The following ZFYVE16 variants were observed in gnomAD, a reference collection of about 807,000 sequenced individuals.
ZFYVE16 encodes the protein zinc finger FYVE domain-containing protein 16.
A neutral mutation model predicts 138.1 loss-of-function variants in ZFYVE16; 89 were observed. The observed-to-expected ratio is 0.64, with a 90% confidence interval of 0.54 to 0.77. The LOEUF (loss-of-function observed/expected upper bound fraction) is 0.77. Ranked by LOEUF, ZFYVE16 falls within the 30% of genes least tolerant of loss-of-function variation. ZFYVE16 has a pLI of 0.00. For missense variants in ZFYVE16, 1,793 were observed against 1,786.7 expected (o/e 1.00, Z -0.06); for synonymous variants, 596 against 618.3 (o/e 0.96, Z 0.53).
At chr5:80,473,128 A>G (rs1561338646) in intron 16 of ZFYVE16, among the ~76,000 whole-genome samples, 1 of 152,154 alleles carries the variant, frequency 6.6e-6, no homozygotes, top group Non-Finnish European at 1.5e-5. Context: ...TTGGGCCAGG[A>G]TGGTCCATTT....
intron 6 of ZFYVE16, 60 bp from the exon 7 acceptor site, chr5:80,445,203 G>C: frequency 6.4e-7 from 1 of 1,563,150 alleles, no homozygotes; most frequent in Admixed American, 1.8e-5. Context: ...CAATCTTTTT[G>C]GCATTAAATC....
At chr5:80,465,400 G>GTTTTTTTTTCTTTTTTTTTTTTTTTT in intron 15 of ZFYVE16, among the ~76,000 whole-genome samples, 1 of 26,778 alleles carries the variant, frequency 3.7e-5, no homozygotes, top group Non-Finnish European at 7.4e-5. Context: ...CCTTTTCTTT[G>GTTTTTTTTTCTTTTTTTTTTTTTTTT]TTTTTTTTTT....
At chr5:80,475,923 C>CAATTTGTGA (rs1754863404) in intron 18 of ZFYVE16, among the ~76,000 whole-genome samples, 2 of 152,122 alleles carry the variant, frequency 1.3e-5, no homozygotes. Context: ...TTTATTTCTT[C>CAATTTGTGA]CAGCAATTTG....
At chr5:80,447,266 C>CAAAA (rs56836828) in intron 7 of ZFYVE16, among the ~76,000 whole-genome samples, 3 of 69,288 alleles carry the variant, frequency 4.3e-5, no homozygotes, top group Non-Finnish European at 5.9e-5. Context: ...GACTCCATCT[C>CAAAA]AAAAAAAAAA....
chr5:80,450,353 T>A (rs938061053), intron 9 of ZFYVE16, 78 bp from the exon 10 acceptor site: 14 of 1,439,460 alleles, frequency 9.7e-6, no homozygotes, highest in Middle Eastern at 2.4e-4. Context: ...AAAGTTATGT[T>A]AAATGCAAAA....
In ZFYVE16 at chr5:80,482,397, GAGA is replaced by G. The variant is rs1755304045; in HGVS notation, c.*5024_*5026del. The G allele has an allele frequency of 2.0e-5, 3 of 152,126 alleles. No homozygotes were observed. Among genetic ancestry groups the G allele is most frequent in the Admixed American group, 2.0e-4 (3 of 15,270 alleles). 9.4% of individuals were successfully genotyped at this position (152,126 alleles called of 1,614,324 possible). ...TGACAGAGAAAAAAGTGAAAAAAATGAGAAGACCTTTGGGGATCTGTGGGACAA... is the reference window on the plus strand; with the variant it reads ...TGACAGAGAAAAAAGTGAAAAAAATGAGACCTTTGGGGATCTGTGGGACAA... On this transcript the variant is annotated 3_prime_UTR_variant, in exon 19 of 19. Coordinates refer to ENST00000505560, the MANE Select transcript of ZFYVE16 (RefSeq NM_001284236.3).
rs1429392962 is a variant in ZFYVE16, at chr5:80,477,247, A to G, written c.4490A>G (p.Gln1497Arg). 6.3e-7 allele frequency: 1 copy of G among 1,598,818 alleles called. No individual in the cohort carries two copies. The highest frequency in any genetic ancestry group is 1.7e-5 in the Admixed American group (1 of 57,156). The part of the protein sequence containing the change: ...MVEFQAGSEG[Q>R]LLPQHYLNDL... ...GAATTTCAGGCAGGATCTGAAGGCC[A>G]ACTTCTGCCTCAGCATTATCTAAAT... The change falls in exon 19 of 19, where the codon CAA (glutamine) becomes CGA (arginine). Residue 1497 changes from glutamine to arginine, a missense_variant. Gln to Arg is a conservative substitution (Grantham distance 43). Coordinates refer to ENST00000505560, the MANE Select transcript of ZFYVE16 (RefSeq NM_001284236.3).
intron 1 of ZFYVE16, among the ~76,000 whole-genome samples, chr5:80,426,175 A>T (rs1747954444): frequency 7.4e-6 from 1 of 134,602 alleles, no homozygotes; most frequent in Non-Finnish European, 1.6e-5. Flanking sequence ...CCGGATTGAG[A>T]TATATATATA....
chr5:80,451,058 C>T (rs1228946093), intron 10 of ZFYVE16, among the ~76,000 whole-genome samples: 2 of 152,226 alleles, frequency 1.3e-5, no homozygotes, highest in South Asian at 2.1e-4. Context: ...GTGATCCGCC[C>T]GCCTCAGTCT....
chr5:80,425,638 C>G (rs918035009), intron 1 of ZFYVE16, among the ~76,000 whole-genome samples: 9 of 152,180 alleles, frequency 5.9e-5, no homozygotes, highest in African/African-American at 2.2e-4. Flanking sequence ...TTTCACCTTC[C>G]AGGATTAGCT....
rs73121738 is a variant in ZFYVE16, at chr5:80,413,871, A to G, written c.-94+5718A>G. 6.6e-3 allele frequency among the ~76,000 whole-genome samples: 996 copies of G among 151,688 alleles called. 9 individuals carry two copies. The highest frequency in any genetic ancestry group is 0.023 in the African/African-American group (937 of 41,536). On this transcript the variant is annotated intron_variant, in intron 1 of 18. Coordinates refer to ENST00000505560, the MANE Select transcript of ZFYVE16 (RefSeq NM_001284236.3). ...CCCATCCTAATGCGATTTGAAGTAT[A>G]GTTTACTCATTTCCTATTACAGAAG...
rs1271825075 is a variant in ZFYVE16, at chr5:80,480,167, A to G, written c.*2790A>G. ...TACTTGAAGCAATGAAAACAAACTC[A>G]CAGATATAGGTATTAGATTTGTTTT... On this transcript the variant is annotated 3_prime_UTR_variant, in exon 19 of 19. Coordinates refer to ENST00000505560, the MANE Select transcript of ZFYVE16 (RefSeq NM_001284236.3). Among the ~76,000 whole-genome samples the G allele has an allele frequency of 1.3e-5, 2 of 151,828 alleles. No homozygotes were observed. The highest frequency in any genetic ancestry group is 2.9e-5 in the Non-Finnish European group (2 of 68,026).
intron 11 of ZFYVE16, 68 bp from the exon 12 acceptor site, chr5:80,455,624 A>T: frequency 8.6e-7 from 1 of 1,159,130 alleles, no homozygotes; most frequent in South Asian, 1.3e-5. Flanking sequence ...TGAGAGTTGA[A>T]GGTAATAAAT....
At position 80,474,772 on chromosome 5, in the gene ZFYVE16, C is replaced by T; in HGVS notation, c.4403C>T (p.Thr1468Ile). 6.2e-7 allele frequency: 1 copy of T among 1,613,670 alleles called. No homozygotes were observed. Among genetic ancestry groups the T allele is most frequent in the South Asian group, 1.1e-5 (1 of 91,016 alleles). Residue 1468 changes from threonine to isoleucine, a missense_variant, in exon 18 of 19, where the codon ACT (threonine) becomes ATT (isoleucine). By Grantham distance (89) the Thr-to-Ile change is moderately conservative. This residue lies in a region of ZFYVE16 where 498 missense variants were observed against 582.4 expected (regional missense o/e 0.86). Coordinates refer to ENST00000505560, the MANE Select transcript of ZFYVE16 (RefSeq NM_001284236.3). ...CSAALCPHLK[T>I]LKSNGMNKIG... ...GCTGCGCTGTGCCCTCACCTGAAAA[C>T]TCTAAAAAGTAATGGGATGAATAAA...
chr5:80,456,293 C>A (rs1752521882), intron 12 of ZFYVE16, 168 bp from the exon 13 acceptor site: 3 of 512,878 alleles, frequency 5.8e-6, no homozygotes, highest in Middle Eastern at 4.7e-4. Flanking sequence ...AAGACCTTTT[C>A]TATTTTGGAA....
rs1580219448 is a variant in ZFYVE16 at position 80,438,441 on chromosome 5, A to G, written c.1756A>G (p.Ile586Val). Reference sequence around the variant, plus strand: ...ATATTTCAATGCAGAAGCAGGAGCTATTGGGGAAAGTCATGGTATTAATAT... The same window carrying G: ...ATATTTCAATGCAGAAGCAGGAGCTGTTGGGGAAAGTCATGGTATTAATAT... ...NIYFNAEAGAIGESHGINIIC... is the reference protein window; with the variant it reads ...NIYFNAEAGAVGESHGINIIC... The change falls in exon 4 of 19, where the codon ATT (isoleucine) becomes GTT (valine). Residue 586 changes from isoleucine to valine, a missense_variant. Physicochemically the swap from Ile to Val is conservative, Grantham distance 29 (BLOSUM62 3). Coordinates refer to ENST00000505560, the MANE Select transcript of ZFYVE16 (RefSeq NM_001284236.3). The G allele has an allele frequency of 1.2e-6, 2 of 1,613,942 alleles. No homozygotes were observed.
intron 1 of ZFYVE16, among the ~76,000 whole-genome samples, chr5:80,417,100 C>A (rs1288813282): frequency 6.6e-6 from 1 of 152,180 alleles, no homozygotes; most frequent in Non-Finnish European, 1.5e-5. Flanking sequence ...TTGGCTTCCA[C>A]GATCAGTCGT....
intron 1 of ZFYVE16, among the ~76,000 whole-genome samples, chr5:80,411,428 A>AT (rs548861849): frequency 8.1e-4 from 123 of 151,958 alleles, no homozygotes; most frequent in African/African-American, 2.7e-3. Context: ...GCATTTGTTA[A>AT]TTTTTTTTAC....
chr5:80,454,575 C>T (rs1327996235), intron 11 of ZFYVE16: 11 of 151,342 alleles, frequency 7.3e-5, no homozygotes, highest in African/African-American at 2.4e-4. Context: ...GGCGCGATCT[C>T]GGCTCACTGC....
Sources: gnomAD v4.1 joint callset for allele counts (sites outside exome capture counted in the v4.1 genomes callset) on GRCh38, gnomAD v4.1.1 for gene constraint, gnomAD v4.1.1 regional missense constraint, MANE v1.5 for transcripts, NCBI Gene and HGNC (gene_info 2026-07-23, HGNC 2026-07-21) for gene names.